Variants in LRIF1 observed in about 807,000 individuals in gnomAD.
The protein encoded by LRIF1 is ligand dependent nuclear receptor interacting factor 1.
A neutral mutation model predicts 52.7 loss-of-function variants in LRIF1; 32 were observed. The observed-to-expected ratio is 0.61, with a 90% CI of 0.46 to 0.82. LRIF1 has a LOEUF of 0.82. Among genes scored for constraint, LRIF1 ranks in the 40% least tolerant of loss-of-function variants. The pLI is 0.00. For missense variants in LRIF1, 887 were observed against 892.0 expected, an observed-to-expected ratio of 0.99 and a Z score of 0.07; for synonymous variants, 323 against 317.4, an observed-to-expected ratio of 1.02 and a Z score of -0.19.
At chr1:110,948,659 A>C (rs913798489) in intron 3 of LRIF1, among the ~76,000 whole-genome samples, 2 of 152,230 alleles carry the variant, frequency 1.3e-5, no homozygotes, top group African/African-American at 4.8e-5. Context: ...CTGACTCACC[A>C]CAGAAATATA....
the LRIF1 span, among the ~76,000 whole-genome samples, chr1:110,878,311 A>G: frequency 6.6e-6 from 1 of 152,190 alleles, no homozygotes; most frequent in Non-Finnish European, 1.5e-5. Flanking sequence ...CTTTTTCTTA[A>G]TCACAGCCTC....
chr1:110,951,223 G>A, intron 2 of LRIF1, 65 bp downstream of exon 2: 3 of 1,308,732 alleles, frequency 2.3e-6, no homozygotes, highest in Non-Finnish European at 3.2e-6. Flanking sequence ...ATAACTTTGA[G>A]AATTAAGAAA....
the LRIF1 span, chr1:110,937,262 G>A: frequency 5.3e-5 from 8 of 151,962 alleles, no homozygotes; most frequent in East Asian, 9.6e-4. Context: ...TTCATCCCTC[G>A]GCTGCAGAAT....
the LRIF1 span, among the ~76,000 whole-genome samples, chr1:110,913,488 G>A: frequency 1.3e-5 from 2 of 152,156 alleles, no homozygotes; most frequent in Non-Finnish European, 2.9e-5. Context: ...AATGGACAAA[G>A]TATATGGTCA....
In LRIF1 at chr1:110,963,794, C is replaced by A; in HGVS notation, c.-106G>T. Reference sequence around the variant, plus strand: ...GCGAGGGAATGTTGGGCTGGAGTTGCCCACAGCAACTGTGAGGGGTTCGAC... The same window carrying A: ...GCGAGGGAATGTTGGGCTGGAGTTGACCACAGCAACTGTGAGGGGTTCGAC... On this transcript the variant is annotated 5_prime_UTR_variant, in exon 1 of 4. Coordinates refer to ENST00000369763, the MANE Select transcript of LRIF1 (RefSeq NM_018372.4). The A allele has an allele frequency of 1.1e-6, 1 of 871,860 alleles. No homozygotes were observed. Among genetic ancestry groups the A allele is most frequent in the Admixed American group, 2.1e-5 (1 of 46,898 alleles). The allele number at this position is 871,860 out of a possible 1,614,324, so 54.0% of individuals were successfully genotyped here.
chr1:110,917,707 G>C, the LRIF1 span, among the ~76,000 whole-genome samples: 87,996 of 148,564 alleles, frequency 0.59, 26,584 homozygotes, highest in East Asian at 0.84. Flanking sequence ...CAGTTAAACT[G>C]TATAGTATGT....
the LRIF1 span, among the ~76,000 whole-genome samples, chr1:110,898,453 A>G: frequency 6.6e-6 from 1 of 151,850 alleles, no homozygotes; most frequent in East Asian, 1.9e-4. Flanking sequence ...CATGATTCAC[A>G]GTCAAACAAA....
At position 110,963,703 on chromosome 1, in the gene LRIF1, AG is replaced by A; in HGVS notation, c.-16del. 4.4e-6 allele frequency: 7 copies of A among 1,594,916 alleles called. No individual in the cohort carries two copies. The highest frequency in any genetic ancestry group is 2.2e-5 in the South Asian group (2 of 89,946). On this transcript the variant is annotated 5_prime_UTR_variant, in exon 1 of 4. It removes the in-frame stop codon of an upstream open reading frame in the 5' UTR. Coordinates refer to ENST00000369763, the MANE Select transcript of LRIF1 (RefSeq NM_018372.4). ...TTATTTGACATTTTAGTGGGGAGAA[AG>A]GGGACACCTCATCCAGAAAAGTGGG...
the LRIF1 span, chr1:110,941,244 A>C: frequency 6.6e-6 from 1 of 152,102 alleles, no homozygotes; most frequent in Non-Finnish European, 1.5e-5. Flanking sequence ...AAATGTATAA[A>C]TGTATATACT....
the LRIF1 span, chr1:110,940,415 G>C: frequency 6.6e-6 from 1 of 152,150 alleles, no homozygotes; most frequent in South Asian, 2.1e-4. Flanking sequence ...ATTGAGAACA[G>C]TTTGGAGGTT....
At chr1:110,955,782 A>G (rs1199527440) in intron 1 of LRIF1, among the ~76,000 whole-genome samples, 1 of 152,204 alleles carries the variant, frequency 6.6e-6, no homozygotes, top group Non-Finnish European at 1.5e-5. Context: ...GGAATCAAAG[A>G]AGGGATCTTT....
chr1:110,899,214 T>G, the LRIF1 span: 377 of 1,567,068 alleles, frequency 2.4e-4, 1 homozygote, highest in African/African-American at 4.4e-3. Flanking sequence ...AGTCCTGTGG[T>G]GAAGAGACTT....
At chr1:110,930,141 T>C in the LRIF1 span, among the ~76,000 whole-genome samples, 418 of 152,224 alleles carry the variant, frequency 2.7e-3, 2 homozygotes, top group African/African-American at 9.0e-3. Context: ...CAGAGTCATA[T>C]ACTGTTTTTG....
chr1:110,900,155 T>C, the LRIF1 span, among the ~76,000 whole-genome samples: 1 of 152,230 alleles, frequency 6.6e-6, no homozygotes, highest in African/African-American at 2.4e-5. Flanking sequence ...GCAATCAACA[T>C]GTCAGCCTGG....
the LRIF1 span, among the ~76,000 whole-genome samples, chr1:110,895,839 ACT>A: frequency 6.6e-6 from 1 of 152,310 alleles, no homozygotes; most frequent in African/African-American, 2.4e-5. Flanking sequence ...AATTCCCCAC[ACT>A]TTTTTCGTTA....
At chr1:110,937,774 A>G in the LRIF1 span, 1 of 152,134 alleles carries the variant, frequency 6.6e-6, no homozygotes, top group African/African-American at 2.4e-5. Context: ...AGATCAATGA[A>G]ACAAAATGGT....
chr1:110,939,648 T>G, the LRIF1 span: 8,732 of 152,084 alleles, frequency 0.057, 295 homozygotes, highest in East Asian at 0.14. Context: ...GACAGACCCA[T>G]GGAACAGAAC....
At chr1:110,902,289 C>G in the LRIF1 span, among the ~76,000 whole-genome samples, 1 of 152,122 alleles carries the variant, frequency 6.6e-6, no homozygotes, top group African/African-American at 2.4e-5. Flanking sequence ...AGCTCTCCAG[C>G]CTTCCTCTTG....
the LRIF1 span, chr1:110,936,509 C>T: frequency 6.6e-6 from 1 of 152,034 alleles, no homozygotes; most frequent in Non-Finnish European, 1.5e-5. Flanking sequence ...TTTATACACA[C>T]AGTGTTAAGT....
Sources: allele counts gnomAD v4.1 joint callset (sites outside exome capture counted in the v4.1 genomes callset), GRCh38; gene constraint gnomAD v4.1.1; transcripts MANE v1.5; gene names NCBI Gene and HGNC (gene_info 2026-07-23, HGNC 2026-07-21).